Variants in SLC25A37 observed in about 807,000 individuals in gnomAD.
The protein encoded by SLC25A37 is solute carrier family 25 member 37.
A neutral mutation model predicts 31.0 loss-of-function variants in SLC25A37; 17 were observed. That is an observed-to-expected ratio of 0.55 (90% CI 0.38 to 0.82). The LOEUF is 0.82. Among genes scored for constraint, SLC25A37 ranks in the 40% least tolerant of loss-of-function variants. SLC25A37 has a pLI of 0.00. For missense variants in SLC25A37, 404 were observed against 465.8 expected (o/e 0.87, Z 1.22); for synonymous variants, 222 against 193.0 (o/e 1.15, Z -1.24).
chr8:23,545,576 G>A (rs1045896569), intron 1 of SLC25A37, among the ~76,000 whole-genome samples: 2 of 152,216 alleles, frequency 1.3e-5, no homozygotes, highest in South Asian at 2.1e-4. Context: ...TGGCACAGGG[G>A]GTCTTTGTTA....
chr8:23,552,850 G>A (rs1802264376), intron 1 of SLC25A37, among the ~76,000 whole-genome samples: 1 of 152,334 alleles, frequency 6.6e-6, no homozygotes, highest in South Asian at 2.1e-4. Flanking sequence ...ACAAAGTTGG[G>A]GAGGTTGGAG....
At position 23,566,353 on chromosome 8, in the gene SLC25A37, T is replaced by C. The variant is rs987909819; in HGVS notation, c.439+17T>C. 6.3e-6 allele frequency: 10 copies of C among 1,596,890 alleles called. No homozygotes were observed. The highest frequency in any genetic ancestry group is 8.5e-6 in the Non-Finnish European group (10 of 1,175,044). ...TAGCCAACGGTATTTTGAAAGCGTT[T>C]GTCTGGAGTTAGAAAGTTCTCTTCT... On this transcript the variant is annotated intron_variant, in intron 2 of 3. Coordinates refer to ENST00000519973, the MANE Select transcript of SLC25A37 (RefSeq NM_016612.4).
chr8:23,571,874 C>G lies in SLC25A37; in HGVS notation c.*19C>G. ...ATACTAAAGGAAGGGATCATAGAATCTTTTCTTAAAGTCATTCTCTGCCTG... is the reference window on the plus strand; with the variant it reads ...ATACTAAAGGAAGGGATCATAGAATGTTTTCTTAAAGTCATTCTCTGCCTG... On this transcript the variant is annotated 3_prime_UTR_variant, in exon 4 of 4. Coordinates refer to ENST00000519973, the MANE Select transcript of SLC25A37 (RefSeq NM_016612.4). The G allele has an allele frequency of 1.2e-6, 2 of 1,601,422 alleles. No individual in the cohort carries two copies. Among genetic ancestry groups the G allele is most frequent in the Non-Finnish European group, 1.7e-6 (2 of 1,170,812 alleles).
At chr8:23,552,207 G>A (rs1036505799) in intron 1 of SLC25A37, among the ~76,000 whole-genome samples, 3 of 152,086 alleles carry the variant, frequency 2.0e-5, no homozygotes, top group South Asian at 2.1e-4. Context: ...TACCAGGTAG[G>A]GAATATACTG....
In SLC25A37 at chr8:23,574,033, T is replaced by A; in HGVS notation, c.*2178T>A. 1 of 359,008 alleles carries A rather than the reference T, an allele frequency of 2.8e-6. No individual in the cohort carries two copies. 22.2% of individuals were successfully genotyped at this position (359,008 alleles called of 1,614,324 possible). A position where few individuals can be genotyped will look rare whatever the true frequency, so the allele number is the denominator to read the frequency against. ...TTAAAGCAAATTTGTAAAAAAATTA[T>A]CCTACCACCCCTTTTGGTCCACTTA... is the stretch of plus-strand genomic sequence containing the variant. On this transcript the variant is annotated 3_prime_UTR_variant, in exon 4 of 4. Transcript: ENST00000519973.
At chr8:23,549,310 C>T (rs1029182599) in intron 1 of SLC25A37, among the ~76,000 whole-genome samples, 1 of 152,152 alleles carries the variant, frequency 6.6e-6, no homozygotes, top group African/African-American at 2.4e-5. Context: ...TTTGGAAACC[C>T]TTCTGGCCAG....
chr8:23,561,360 G>C (rs994521925), intron 1 of SLC25A37, among the ~76,000 whole-genome samples: 1 of 152,158 alleles, frequency 6.6e-6, no homozygotes, highest in South Asian at 2.1e-4. Context: ...GTAAGTTTTG[G>C]TGTGATGCCA....
intron 1 of SLC25A37, among the ~76,000 whole-genome samples, chr8:23,538,640 T>C (rs186691927): frequency 6.6e-6 from 1 of 151,916 alleles, no homozygotes; most frequent in East Asian, 2.0e-4. Flanking sequence ...GTTTCCTGAG[T>C]GCCCTCTTGG....
intron 1 of SLC25A37, among the ~76,000 whole-genome samples, chr8:23,565,490 A>T (rs774723488): frequency 7.3e-5 from 3 of 41,266 alleles, no homozygotes; most frequent in Non-Finnish European, 4.4e-4. Flanking sequence ...GCTTTTACTT[A>T]AAAAAAAAAA....
Position 23,574,219 on chromosome 8 carries a change from T to A in SLC25A37, c.*2364T>A, listed in dbSNP as rs1802933476. On this transcript the variant is annotated 3_prime_UTR_variant, in exon 4 of 4. Coordinates refer to ENST00000519973, the MANE Select transcript of SLC25A37 (RefSeq NM_016612.4). ...TGGCTCATGCCTGTAATCCCAGCAC[T>A]TTGGGGAGGCCGAGGCAGGCGGATC... 4.9e-6 allele frequency: 1 copy of A among 203,112 alleles called. No individual in the cohort carries two copies. Among genetic ancestry groups the A allele is most frequent in the Admixed American group, 5.3e-5 (1 of 18,696 alleles). The allele number at this position is 203,112 out of a possible 1,614,324, so 12.6% of individuals were successfully genotyped here.
chr8:23,537,384 A>G (rs1167524244), intron 1 of SLC25A37, among the ~76,000 whole-genome samples: 1 of 152,110 alleles, frequency 6.6e-6, no homozygotes, highest in Non-Finnish European at 1.5e-5. Flanking sequence ...TTCCCTCATC[A>G]GAATGTAGGC....
intron 1 of SLC25A37, chr8:23,541,833 T>TTCAAAGGC (rs990484926): frequency 1.4e-4 from 22 of 152,362 alleles, no homozygotes; most frequent in African/African-American, 5.3e-4. Context: ...GGGACATCTT[T>TTCAAAGGC]TCAAAGGCAA....
chr8:23,569,734 CTG>C (rs1802770750), intron 3 of SLC25A37, among the ~76,000 whole-genome samples: 1 of 151,600 alleles, frequency 6.6e-6, no homozygotes, highest in African/African-American at 2.4e-5. Context: ...AGACCAGAGT[CTG>C]TTCCCTTTTT....
intron 1 of SLC25A37, among the ~76,000 whole-genome samples, chr8:23,547,616 C>G (rs1056222170): frequency 6.6e-6 from 1 of 152,188 alleles, no homozygotes; most frequent in Non-Finnish European, 1.5e-5. Flanking sequence ...CTCACAAGCA[C>G]TTTTGCTTTG....
In SLC25A37 at chr8:23,548,948, T is replaced by C. The variant is rs574349100; in HGVS notation, c.211-17160T>C. Among the ~76,000 whole-genome samples the C allele has an allele frequency of 5.9e-5, 9 of 152,310 alleles. No homozygotes were observed. In the South Asian group the frequency reaches 1.9e-3, roughly 32 times the overall value. ...CCTCTGTCCACATCCCACCTGTCAC[T>C]ACCTCTGCCCTAACTTCACCTTCAG... On this transcript the variant is annotated intron_variant, in intron 1 of 3. Transcript: ENST00000519973.
intron 1 of SLC25A37, among the ~76,000 whole-genome samples, chr8:23,564,624 TTCTTGCCTATATAC>T (rs1407768214): frequency 7.8e-6 from 1 of 127,594 alleles, no homozygotes; most frequent in Non-Finnish European, 1.7e-5. Flanking sequence ...TGGCGAGTAT[TTCTTGCCTATATAC>T]TAGTCAGAGT....
chr8:23,543,856 A>G (rs1801965796), intron 1 of SLC25A37, among the ~76,000 whole-genome samples: 4 of 136,756 alleles, frequency 2.9e-5, no homozygotes, highest in Admixed American at 2.3e-4. Flanking sequence ...TGGTATTTTC[A>G]CTGTACTTTT....
chr8:23,544,946 G>A (rs1429003098), intron 1 of SLC25A37, among the ~76,000 whole-genome samples: 1 of 152,240 alleles, frequency 6.6e-6, no homozygotes, highest in Non-Finnish European at 1.5e-5. Context: ...AAGGACCCGA[G>A]GAGGGTGGAA....
At chr8:23,549,309 C>T (rs537554676) in intron 1 of SLC25A37, among the ~76,000 whole-genome samples, 1 of 152,250 alleles carries the variant, frequency 6.6e-6, no homozygotes, top group South Asian at 2.1e-4. Context: ...TTTTGGAAAC[C>T]CTTCTGGCCA....
Sources: gnomAD v4.1 joint callset for allele counts (sites outside exome capture counted in the v4.1 genomes callset) on GRCh38, gnomAD v4.1.1 for gene constraint, MANE v1.5 for transcripts, NCBI Gene and HGNC (gene_info 2026-07-23, HGNC 2026-07-21) for gene names.